Variants in LRP1B observed in about 807,000 individuals in gnomAD.
The protein encoded by LRP1B is low-density lipoprotein receptor-related protein 1B.
LRP1B carries 217 observed loss-of-function variants against 556.6 expected under a neutral mutation model. The observed-to-expected ratio is 0.39, with a 90% CI of 0.35 to 0.44. LRP1B has a LOEUF of 0.44. Ranked by LOEUF, LRP1B falls within the 20% of genes least tolerant of loss-of-function variation. The probability of loss-of-function intolerance (pLI) is 1.00; values close to 1 mark genes in which losing one functional copy is unlikely to be tolerated. For synonymous variants in LRP1B, 2,047 were observed against 1,865.8 expected, an observed-to-expected ratio of 1.10 and a Z score of -2.50; for missense variants, 5,053 against 5,620.8, an observed-to-expected ratio of 0.90 and a Z score of 3.23.
intron 1 of LRP1B, among the ~76,000 whole-genome samples, chr2:141,920,219 A>G (rs1422554184): frequency 7.7e-6 from 1 of 130,084 alleles, no homozygotes; most frequent in African/African-American, 2.8e-5. Context: ...CATTTGCAGC[A>G]TTTGAGTCAC....
chr2:141,068,078 C>T (rs1372497528), intron 7 of LRP1B, among the ~76,000 whole-genome samples: 3 of 152,086 alleles, frequency 2.0e-5, no homozygotes, highest in Non-Finnish European at 2.9e-5. Context: ...GGTTTCTATA[C>T]TTGGAAGCCC....
intron 66 of LRP1B, among the ~76,000 whole-genome samples, chr2:140,416,786 C>CTTATT (rs1685221789): frequency 6.6e-6 from 1 of 152,148 alleles, no homozygotes; most frequent in South Asian, 2.1e-4. Context: ...GAATCCAAAA[C>CTTATT]TTATTTTAGT....
At chr2:140,853,861 T>C (rs1692532589) in intron 27 of LRP1B, among the ~76,000 whole-genome samples, 2 of 151,976 alleles carry the variant, frequency 1.3e-5, no homozygotes, top group Admixed American at 1.3e-4. Context: ...TATCTTTTGA[T>C]TTTGTCTGTT....
intron 2 of LRP1B, among the ~76,000 whole-genome samples, chr2:141,646,526 G>A (rs187910048): frequency 6.6e-5 from 10 of 152,166 alleles, no homozygotes; most frequent in South Asian, 2.1e-4. Context: ...TAATTAATAC[G>A]TTGGGAGCAT....
chr2:140,282,260 A>G (rs779353381), intron 84 of LRP1B, among the ~76,000 whole-genome samples: 14 of 151,770 alleles, frequency 9.2e-5, no homozygotes, highest in Non-Finnish European at 1.9e-4. Flanking sequence ...CGATGTTGAT[A>G]AACACTCATT....
At chr2:141,447,882 G>C (rs1256488202) in intron 3 of LRP1B, among the ~76,000 whole-genome samples, 1 of 152,196 alleles carries the variant, frequency 6.6e-6, no homozygotes, top group Non-Finnish European at 1.5e-5. Context: ...CCCATCAGGA[G>C]TCATGGGAGT....
Position 140,270,222 on chromosome 2 carries a change from T to C in LRP1B, c.13247+20A>G, listed in dbSNP as rs777273065. On this transcript the variant is annotated intron_variant, in intron 86 of 90. Coordinates refer to ENST00000389484, the MANE Select transcript of LRP1B (RefSeq NM_018557.3). ...ACAAAGGCTTATTATAAGATGCCCA[T>C]GACTTGATTAAATACTCACAGACAC... 7 of 1,570,602 alleles carry C rather than the reference T, an allele frequency of 4.5e-6. No individual in the cohort carries two copies. Among genetic ancestry groups the C allele is most frequent in the Non-Finnish European group, 6.1e-6 (7 of 1,141,436 alleles).
chr2:140,515,853 A>C (rs922116064), intron 50 of LRP1B, among the ~76,000 whole-genome samples: 2 of 151,940 alleles, frequency 1.3e-5, no homozygotes, highest in African/African-American at 4.8e-5. Flanking sequence ...TACTTTTAGG[A>C]GAGTTTGACA....
At chr2:141,266,991 G>A (rs1438454926) in intron 3 of LRP1B, among the ~76,000 whole-genome samples, 2 of 152,186 alleles carry the variant, frequency 1.3e-5, no homozygotes, top group East Asian at 1.9e-4. Context: ...AAATATGTTT[G>A]TGTGAGGTTC....
At chr2:140,931,831 T>C (rs779688210) in intron 20 of LRP1B, among the ~76,000 whole-genome samples, 1 of 148,798 alleles carries the variant, frequency 6.7e-6, no homozygotes, top group Non-Finnish European at 1.5e-5. Context: ...AGTGGATAGA[T>C]GTATTAATCC....
chr2:140,848,956 C>G (rs537834216), intron 29 of LRP1B, among the ~76,000 whole-genome samples: 90 of 152,112 alleles, frequency 5.9e-4, no homozygotes, highest in African/African-American at 1.7e-3. Context: ...TCTCTTAGAA[C>G]CTATAATTCA....
At chr2:140,342,553 C>T (rs1355687395) in intron 77 of LRP1B, among the ~76,000 whole-genome samples, 1 of 151,458 alleles carries the variant, frequency 6.6e-6, no homozygotes, top group Non-Finnish European at 1.5e-5. Flanking sequence ...AAATGAATGA[C>T]TGTGGAGTTC....
At chr2:141,260,198 G>A (rs1306688844) in intron 3 of LRP1B, among the ~76,000 whole-genome samples, 1 of 152,016 alleles carries the variant, frequency 6.6e-6, no homozygotes, top group Non-Finnish European at 1.5e-5. Context: ...AAGAAATAAG[G>A]ATTTTCTACA....
chr2:142,124,562 A>G (rs994749915), intron 1 of LRP1B, among the ~76,000 whole-genome samples: 6 of 148,964 alleles, frequency 4.0e-5, no homozygotes, highest in African/African-American at 1.5e-4. Context: ...AAATGGAGAA[A>G]TACAAATTCA....
At chr2:141,690,396 A>AATAAATAAATAAATATATATATATATAT (rs5834858) in intron 2 of LRP1B, among the ~76,000 whole-genome samples, 2 of 26,936 alleles carry the variant, frequency 7.4e-5, no homozygotes, top group Non-Finnish European at 1.5e-4. Flanking sequence ...TACATCTATA[A>AATAAATAAATAAATATATATATATATAT]ATATATATAT....
intron 1 of LRP1B, among the ~76,000 whole-genome samples, chr2:141,983,451 T>C (rs1175208008): frequency 6.6e-6 from 1 of 152,154 alleles, no homozygotes; most frequent in Admixed American, 6.5e-5. Flanking sequence ...TATAAAACTA[T>C]ATTTTTTTTT....
chr2:141,465,543 C>CTTTTTTT (rs71391652), intron 3 of LRP1B, among the ~76,000 whole-genome samples: 17 of 117,312 alleles, frequency 1.4e-4, no homozygotes, highest in African/African-American at 2.1e-4. Flanking sequence ...CACAGCATGA[C>CTTTTTTT]TTTTTTTTTT....
chr2:141,614,004 C>A (rs866978281), intron 2 of LRP1B, among the ~76,000 whole-genome samples: 2 of 122,974 alleles, frequency 1.6e-5, no homozygotes, highest in Admixed American at 1.1e-4. Context: ...AACCAGGAGG[C>A]GGAGATTGTC....
intron 3 of LRP1B, among the ~76,000 whole-genome samples, chr2:141,422,387 T>C (rs1374496999): frequency 6.6e-6 from 1 of 152,206 alleles, no homozygotes; most frequent in African/African-American, 2.4e-5. Flanking sequence ...AGATCTTCAC[T>C]TCAAAATTTT....
Sources: allele counts gnomAD v4.1 joint callset (sites outside exome capture counted in the v4.1 genomes callset), GRCh38; gene constraint gnomAD v4.1.1; transcripts MANE v1.5; gene names NCBI Gene and HGNC (gene_info 2026-07-23, HGNC 2026-07-21).